The following DYNC2LI1 variants were observed in gnomAD, a reference collection of about 807,000 sequenced individuals.
DYNC2LI1 encodes dynein cytoplasmic 2 light intermediate chain 1.
Under a neutral mutation model 51.9 loss-of-function variants are expected in DYNC2LI1, and 45 were observed. That is an observed-to-expected ratio of 0.87 (90% CI 0.68 to 1.11). The LOEUF (loss-of-function observed/expected upper bound fraction) is 1.11, where lower values mean the gene tolerates loss of function less well. DYNC2LI1 is among the 50% of genes most tolerant of loss of function. The probability of loss-of-function intolerance (pLI) is 0.00; values close to 1 mark genes in which losing one functional copy is unlikely to be tolerated. For synonymous variants in DYNC2LI1, 130 were observed against 137.8 expected, an observed-to-expected ratio of 0.94 and a Z score of 0.40; for missense variants, 490 against 417.4, an observed-to-expected ratio of 1.17 and a Z score of -1.51.
At position 43,796,042 on chromosome 2, in the gene DYNC2LI1, TAAG is replaced by T. The variant is rs1194040172; in HGVS notation, c.576+87_576+89del. On this transcript the variant is annotated intron_variant, in intron 7 of 12. Transcript: ENST00000260605. ...GGGAGGTACAAAAATAATATCAAAA[TAAG>T]AAAAATAATTATTGAAGGAATCGGT... 4.2e-6 allele frequency: 4 copies of T among 951,374 alleles called. No homozygotes were observed. In the African/African-American group the frequency reaches 6.7e-5, roughly 16 times the overall value. 58.9% of individuals were successfully genotyped at this position (951,374 alleles called of 1,614,324 possible).
the DYNC2LI1 span, chr2:43,828,089 ACT>A: frequency 6.2e-7 from 1 of 1,613,732 alleles, no homozygotes; most frequent in African/African-American, 1.3e-5. Flanking sequence ...CATGGCTCAG[ACT>A]CAGCTCTGCC....
At chr2:43,818,729 C>T in the DYNC2LI1 span, among the ~76,000 whole-genome samples, 3 of 152,212 alleles carry the variant, frequency 2.0e-5, no homozygotes, top group Non-Finnish European at 4.4e-5. Flanking sequence ...GAAAAAATAT[C>T]CTCCTTGATT....
At chr2:43,826,285 C>T in the DYNC2LI1 span, 1 of 1,570,714 alleles carries the variant, frequency 6.4e-7, no homozygotes, top group South Asian at 1.1e-5. Flanking sequence ...CAAGTGTGAG[C>T]CACTGTGCCT....
At chr2:43,801,771 C>G (rs530355700) in intron 10 of DYNC2LI1, 62 bp downstream of exon 10, 3 of 1,267,744 alleles carry the variant, frequency 2.4e-6, no homozygotes, top group East Asian at 4.7e-5. Flanking sequence ...TTGTCCTACT[C>G]CATGTTCACT....
At chr2:43,818,727 A>C in the DYNC2LI1 span, among the ~76,000 whole-genome samples, 1 of 152,202 alleles carries the variant, frequency 6.6e-6, no homozygotes, top group Non-Finnish European at 1.5e-5. Context: ...GTGAAAAAAT[A>C]TCCTCCTTGA....
At chr2:43,774,966 A>G (rs2104650754) in intron 1 of DYNC2LI1, among the ~76,000 whole-genome samples, 1 of 152,326 alleles carries the variant, frequency 6.6e-6, no homozygotes, top group Admixed American at 6.5e-5. Flanking sequence ...CACCTGTGAA[A>G]TAAATGCATG....
In DYNC2LI1 at chr2:43,776,786, ACT is replaced by A. The variant is rs1435689952; in HGVS notation, c.18_19del (p.Trp7GlyfsTer6). On this transcript the variant is annotated frameshift_variant, in exon 2 of 13. Coordinates refer to ENST00000260605, the MANE Select transcript of DYNC2LI1 (RefSeq NM_016008.4). LOFTEE classifies it high-confidence loss of function. ...TTTTTTCTGCCTCTCATGTAGTGAA[ACT>A]CTCTGGGAAATTGCAAAAGCTGAAG... is the stretch of plus-strand genomic sequence containing the variant. The part of the protein sequence containing the change: MPSE[T>X]LWEIAKAEVE... The A allele has an allele frequency of 1.2e-5, 18 of 1,562,094 alleles. No individual in the cohort carries two copies. Among genetic ancestry groups the A allele is most frequent in the Admixed American group, 1.8e-5 (1 of 55,458 alleles).
chr2:43,799,386 A>T (rs1298515723), intron 8 of DYNC2LI1, among the ~76,000 whole-genome samples: 1 of 152,208 alleles, frequency 6.6e-6, no homozygotes, highest in Non-Finnish European at 1.5e-5. Context: ...AGCCATGAGG[A>T]TGGCAGGGAC....
At chr2:43,790,582 T>C (rs1673736073) in intron 5 of DYNC2LI1, among the ~76,000 whole-genome samples, 1 of 152,114 alleles carries the variant, frequency 6.6e-6, no homozygotes, top group South Asian at 2.1e-4. Flanking sequence ...ATTTACTTTC[T>C]TTCACTTATT....
chr2:43,822,423 C>T, the DYNC2LI1 span: 1 of 746,930 alleles, frequency 1.3e-6, no homozygotes, highest in Non-Finnish European at 1.6e-6. Flanking sequence ...TTCCCACCCT[C>T]TGAATGTGTC....
downstream of DYNC2LI1, chr2:43,814,640 C>G (rs757444830): frequency 4.7e-6 from 5 of 1,065,812 alleles, no homozygotes; most frequent in African/African-American, 6.3e-5. Context: ...GGCAATAGTC[C>G]TACCAAATGA....
downstream of DYNC2LI1, chr2:43,814,540 A>C (rs2104751407): frequency 6.2e-7 from 1 of 1,609,944 alleles, no homozygotes; most frequent in Non-Finnish European, 8.5e-7. Context: ...TATTTTTGGA[A>C]TGTAAAATAA....
chr2:43,818,978 C>T, the DYNC2LI1 span, among the ~76,000 whole-genome samples: 1 of 152,120 alleles, frequency 6.6e-6, no homozygotes, highest in African/African-American at 2.4e-5. Context: ...AAGTCACGTG[C>T]GTCACAGCCT....
In DYNC2LI1 at chr2:43,807,995, C is replaced by T. The variant is rs552281127; in HGVS notation, c.994-1710C>T. On this transcript the variant is annotated intron_variant, in intron 12 of 12. Coordinates refer to ENST00000260605, the MANE Select transcript of DYNC2LI1 (RefSeq NM_016008.4). ...ATAGCCCTAGTTTTCTCACAGTCTG[C>T]TGTCTGCAAAAGGGAGATACTACCA... is the stretch of plus-strand genomic sequence containing the variant. 3.3e-5 allele frequency among the ~76,000 whole-genome samples: 5 copies of T among 152,156 alleles called. No homozygotes were observed. The South Asian group carries it at 6.2e-4, about 19-fold the overall frequency.
At chr2:43,822,680 G>T in the DYNC2LI1 span, 2 of 1,565,796 alleles carry the variant, frequency 1.3e-6, no homozygotes, top group South Asian at 1.2e-5. Context: ...ACACTGATGG[G>T]CAAAGTGTAG....
chr2:43,786,453 A>T (rs991556954), intron 3 of DYNC2LI1, among the ~76,000 whole-genome samples: 1 of 152,060 alleles, frequency 6.6e-6, no homozygotes, highest in African/African-American at 2.4e-5. Flanking sequence ...AAGTGCTAGG[A>T]TTACAGGCGT....
At chr2:43,794,381 A>G (rs1199694630) in intron 5 of DYNC2LI1, 76 bp from the exon 6 acceptor site, 1 of 1,397,752 alleles carries the variant, frequency 7.2e-7, no homozygotes, top group Non-Finnish European at 9.6e-7. Context: ...TTATTCTTAG[A>G]TAAATTTCAG....
intron 5 of DYNC2LI1, chr2:43,794,248 T>G: frequency 2.1e-6 from 1 of 484,534 alleles, no homozygotes; most frequent in Non-Finnish European, 3.6e-6. Flanking sequence ...GTTCCACTAT[T>G]GTAACACTTA....
At chr2:43,828,014 G>A in the DYNC2LI1 span, 1 of 1,614,096 alleles carries the variant, frequency 6.2e-7, no homozygotes, top group East Asian at 2.2e-5. Flanking sequence ...CTGCGATGGA[G>A]ACCCGGCGCC....
Sources: allele counts gnomAD v4.1 joint callset (sites outside exome capture counted in the v4.1 genomes callset), GRCh38; gene constraint gnomAD v4.1.1; transcripts MANE v1.5; gene names NCBI Gene and HGNC (gene_info 2026-07-23, HGNC 2026-07-21).